SH3GL2: variants seen among roughly 807,000 people sequenced by gnomAD.
SH3GL2 encodes SH3 domain containing GRB2 like 2, endophilin A1, also known as endophilin-A1.
Under a neutral mutation model 46.0 loss-of-function variants are expected in SH3GL2, and 24 were observed. The ratio of observed to expected loss-of-function variants is 0.52; its 90% CI spans 0.38 to 0.73. The LOEUF is 0.73. Among genes scored for constraint, SH3GL2 ranks in the 30% least tolerant of loss-of-function variants. The pLI, the probability that SH3GL2 is intolerant of heterozygous loss-of-function variation, is 0.00. For missense variants in SH3GL2, 413 were observed against 424.2 expected, an observed-to-expected ratio of 0.97 and a Z score of 0.23; for synonymous variants, 196 against 147.1, an observed-to-expected ratio of 1.33 and a Z score of -2.40.
At chr9:17,785,275 T>G (rs1823922812) in intron 3 of SH3GL2, among the ~76,000 whole-genome samples, 1 of 152,140 alleles carries the variant, frequency 6.6e-6, no homozygotes, top group Non-Finnish European at 1.5e-5. Flanking sequence ...TTTACTTCAC[T>G]CTAATTAATT....
intron 3 of SH3GL2, 114 bp from the exon 4 acceptor site, chr9:17,786,267 T>G: frequency 1.1e-6 from 1 of 918,718 alleles, no homozygotes; most frequent in East Asian, 2.5e-5. Context: ...GAAGGTACAC[T>G]TATCAGTAGC....
At chr9:17,779,076 A>G (rs949558704) in intron 3 of SH3GL2, among the ~76,000 whole-genome samples, 7 of 152,092 alleles carry the variant, frequency 4.6e-5, no homozygotes, top group African/African-American at 1.4e-4. Flanking sequence ...TGCCAACTCA[A>G]GGAGGTGATA....
intron 1 of SH3GL2, among the ~76,000 whole-genome samples, chr9:17,592,168 A>C (rs1325194422): frequency 6.6e-6 from 1 of 152,200 alleles, no homozygotes; most frequent in Non-Finnish European, 1.5e-5. Flanking sequence ...AGTCTCAAGA[A>C]TTTGGAATTC....
At chr9:17,757,820 A>G (rs1157146846) in intron 2 of SH3GL2, among the ~76,000 whole-genome samples, 1 of 152,208 alleles carries the variant, frequency 6.6e-6, no homozygotes, top group East Asian at 1.9e-4. Flanking sequence ...CAGGCCTGTT[A>G]CTAAGAGAAT....
chr9:17,605,804 A>G (rs1160256012), intron 1 of SH3GL2, among the ~76,000 whole-genome samples: 1 of 152,208 alleles, frequency 6.6e-6, no homozygotes, highest in Non-Finnish European at 1.5e-5. Flanking sequence ...TATTGTGGAC[A>G]TTCAAACTAA....
chr9:17,749,896 A>C (rs1007180532), intron 2 of SH3GL2, among the ~76,000 whole-genome samples: 3 of 152,226 alleles, frequency 2.0e-5, no homozygotes, highest in South Asian at 4.1e-4. Context: ...TGAAACTTTT[A>C]TTTCAAAATA....
At chr9:17,736,970 A>T (rs776554632) in intron 1 of SH3GL2, among the ~76,000 whole-genome samples, 2 of 152,160 alleles carry the variant, frequency 1.3e-5, no homozygotes, top group African/African-American at 2.4e-5. Context: ...CATCAATGAT[A>T]GATTGGATAA....
At chr9:17,680,565 C>G (rs562920127) in intron 1 of SH3GL2, among the ~76,000 whole-genome samples, 10 of 151,908 alleles carry the variant, frequency 6.6e-5, no homozygotes, top group Non-Finnish European at 1.5e-4. Flanking sequence ...TTTTGTTGAT[C>G]TTTTCAAAAA....
At chr9:17,634,864 G>A (rs375973774) in intron 1 of SH3GL2, among the ~76,000 whole-genome samples, 5 of 152,200 alleles carry the variant, frequency 3.3e-5, no homozygotes, top group Admixed American at 6.5e-5. Flanking sequence ...CAGGGCCCTG[G>A]ATGGGGAAGG....
In SH3GL2 at chr9:17,766,863, T is replaced by A. The variant is rs529292272; in HGVS notation, c.187+5354T>A. Among the ~76,000 whole-genome samples the A allele has an allele frequency of 3.3e-5, 5 of 152,192 alleles. No homozygotes were observed. In the South Asian group the frequency reaches 1.0e-3, roughly 31 times the overall value. Reference sequence around the variant, plus strand: ...CATGTTTACCTCCTTGGTTTTATGTTTTATCAGTGGGTTTTTCTTTTCAAT... The same window carrying A: ...CATGTTTACCTCCTTGGTTTTATGTATTATCAGTGGGTTTTTCTTTTCAAT... On this transcript the variant is annotated intron_variant, in intron 3 of 8. Coordinates refer to ENST00000380607, the MANE Select transcript of SH3GL2 (RefSeq NM_003026.5).
rs1384501486 is a variant in SH3GL2 at position 17,739,974 on chromosome 9, A to G, written c.46-7092A>G. On this transcript the variant is annotated intron_variant, in intron 1 of 8. Transcript: ENST00000380607. ...GAACAAAATAGGCTGGAAGCTGGGA[A>G]AAAGGCCAAGTACTTAACTCACTCA... Among the ~76,000 whole-genome samples the G allele has an allele frequency of 2.6e-5, 4 of 152,136 alleles. No homozygotes were observed. In the South Asian group the frequency reaches 6.2e-4, roughly 24 times the overall value.
chr9:17,662,501 A>G (rs914734410), intron 1 of SH3GL2, among the ~76,000 whole-genome samples: 32 of 152,118 alleles, frequency 2.1e-4, no homozygotes, highest in African/African-American at 7.0e-4. Flanking sequence ...TTATTGAGCA[A>G]CCTTGCATAC....
At chr9:17,753,281 C>A (rs1173733681) in intron 2 of SH3GL2, among the ~76,000 whole-genome samples, 1 of 152,146 alleles carries the variant, frequency 6.6e-6, no homozygotes, top group Admixed American at 6.5e-5. Context: ...GAGGAATCAC[C>A]ACACTATCTT....
intron 1 of SH3GL2, among the ~76,000 whole-genome samples, chr9:17,746,812 A>G (rs1196211647): frequency 6.6e-6 from 1 of 152,216 alleles, no homozygotes; most frequent in African/African-American, 2.4e-5. Flanking sequence ...GTTTGATAGA[A>G]GGAGCACTGA....
intron 1 of SH3GL2, among the ~76,000 whole-genome samples, chr9:17,740,899 G>A (rs572874196): frequency 6.6e-6 from 1 of 152,128 alleles, no homozygotes; most frequent in Admixed American, 6.5e-5. Flanking sequence ...TGAAGAAATT[G>A]AGGCAGCAAG....
intron 1 of SH3GL2, among the ~76,000 whole-genome samples, chr9:17,737,806 T>G (rs73412746): frequency 0.036 from 5,541 of 152,184 alleles, 339 homozygotes; most frequent in African/African-American, 0.13. Context: ...AGCAGTCGCC[T>G]TTGAGCTCTG....
intron 1 of SH3GL2, among the ~76,000 whole-genome samples, chr9:17,738,039 G>A (rs1208884097): frequency 6.6e-6 from 1 of 152,042 alleles, no homozygotes; most frequent in Non-Finnish European, 1.5e-5. Context: ...TTTGGTTAAT[G>A]TATGTACACC....
intron 1 of SH3GL2, among the ~76,000 whole-genome samples, chr9:17,597,607 A>C: frequency 6.6e-6 from 1 of 152,104 alleles, no homozygotes; most frequent in Admixed American, 6.5e-5. Flanking sequence ...ATTCTGTATT[A>C]TGTGCTTGTT....
chr9:17,769,388 C>G (rs988356820), intron 3 of SH3GL2, among the ~76,000 whole-genome samples: 20 of 152,124 alleles, frequency 1.3e-4, no homozygotes, highest in African/African-American at 4.8e-4. Flanking sequence ...TCCATTATTA[C>G]TCTCCTATTT....
Sources: allele counts gnomAD v4.1 joint callset (sites outside exome capture counted in the v4.1 genomes callset), GRCh38; gene constraint gnomAD v4.1.1; transcripts MANE v1.5; gene names NCBI Gene and HGNC (gene_info 2026-07-23, HGNC 2026-07-21).